The following DPYSL3 variants were observed in gnomAD, a reference collection of about 807,000 sequenced individuals.
DPYSL3 encodes dihydropyrimidinase like 3, also known as dihydropyrimidinase-related protein 3.
In DPYSL3, 16 loss-of-function variants were observed where a neutral mutation model predicts 66.1. The observed-to-expected ratio is 0.24, with a 90% CI of 0.16 to 0.37. The LOEUF (loss-of-function observed/expected upper bound fraction) is 0.37. Ranked by LOEUF, DPYSL3 falls within the 10% of genes least tolerant of loss-of-function variation. The pLI is 1.00. For missense variants in DPYSL3, 738 were observed against 916.2 expected (o/e 0.81, Z 2.51); for synonymous variants, 338 against 345.1 (o/e 0.98, Z 0.23).
chr5:147,505,059 A>G (rs1220777085), intron 1 of DPYSL3, among the ~76,000 whole-genome samples: 1 of 152,230 alleles, frequency 6.6e-6, no homozygotes, highest in African/African-American at 2.4e-5. Context: ...TTATAAATGA[A>G]AAGTTGTGTA....
At chr5:147,464,769 A>G (rs2126415003) in intron 1 of DPYSL3, among the ~76,000 whole-genome samples, 1 of 152,308 alleles carries the variant, frequency 6.6e-6, no homozygotes, top group East Asian at 1.9e-4. Context: ...AGTGAGGAGC[A>G]TCTAGAATGG....
At chr5:147,456,824 C>T (rs1752860799) in intron 1 of DPYSL3, among the ~76,000 whole-genome samples, 1 of 151,992 alleles carries the variant, frequency 6.6e-6, no homozygotes, top group African/African-American at 2.4e-5. Context: ...CTCCTGACCT[C>T]ATGTGATCTG....
chr5:147,488,975 ACTGTACTCCAGC>A (rs1362542205), intron 1 of DPYSL3, among the ~76,000 whole-genome samples: 2 of 151,244 alleles, frequency 1.3e-5, no homozygotes, highest in Non-Finnish European at 3.0e-5. Flanking sequence ...AGATCGCACC[ACTGTACTCCAGC>A]CTGGGCAACA....
chr5:147,408,106 C>G (rs1561776107), intron 7 of DPYSL3, among the ~76,000 whole-genome samples: 1 of 152,124 alleles, frequency 6.6e-6, no homozygotes, highest in African/African-American at 2.4e-5. Flanking sequence ...TGACTTTGCT[C>G]TAGGTGCTAG....
intron 1 of DPYSL3, among the ~76,000 whole-genome samples, chr5:147,477,663 A>T (rs1446402137): frequency 7.5e-6 from 1 of 134,126 alleles, no homozygotes; most frequent in African/African-American, 2.8e-5. Context: ...GCTCACTGCA[A>T]GCTCCGCTTC....
intron 13 of DPYSL3, among the ~76,000 whole-genome samples, chr5:147,395,248 A>T (rs1161434914): frequency 6.6e-6 from 1 of 152,222 alleles, no homozygotes; most frequent in African/African-American, 2.4e-5. Flanking sequence ...CTAATGCTGG[A>T]AATCACTATC....
intron 1 of DPYSL3, among the ~76,000 whole-genome samples, chr5:147,489,487 T>C (rs1450152582): frequency 6.6e-6 from 1 of 152,186 alleles, no homozygotes; most frequent in African/African-American, 2.4e-5. Flanking sequence ...TTTTCTGGAT[T>C]ATGTGGATAT....
rs552210084 is a variant in DPYSL3, at chr5:147,415,567, A to T, written c.820+142T>A. ...AAGAAGTAAATAAAGTGCCTGGAACATTGTGTTATCCCTACATCCAGTGCT... is the reference window on the plus strand; with the variant it reads ...AAGAAGTAAATAAAGTGCCTGGAACTTTGTGTTATCCCTACATCCAGTGCT... On this transcript the variant is annotated intron_variant, in intron 4 of 13. Coordinates refer to ENST00000343218, the MANE Select transcript of DPYSL3 (RefSeq NM_001197294.2). 3.4e-4 allele frequency: 339 copies of T among 984,066 alleles called. 2 individuals carry two copies. The South Asian group carries it at 5.3e-3, about 15-fold the overall frequency. The allele number at this position is 984,066 out of a possible 1,614,324, so 61.0% of individuals were successfully genotyped here. A position where few individuals can be genotyped will look rare whatever the true frequency, so the allele number is the denominator to read the frequency against.
Position 147,495,936 on chromosome 5 carries a change from G to A in DPYSL3, c.381+13542C>T, listed in dbSNP as rs184884451. On this transcript the variant is annotated intron_variant, in intron 1 of 13. Coordinates refer to ENST00000343218, the MANE Select transcript of DPYSL3 (RefSeq NM_001197294.2). The stretch of plus-strand genomic sequence containing the variant: ...ATGGAACCAAAAAAGAGCCCGCATT[G>A]CCAAGTCAATCCGAAGACAAAAGAA... 3.1e-3 allele frequency among the ~76,000 whole-genome samples: 465 copies of A among 152,224 alleles called. 4 individuals carry two copies. Among genetic ancestry groups the A allele is most frequent in the African/African-American group, 0.011 (442 of 41,538 alleles).
At chr5:147,504,760 A>G (rs145113644) in intron 1 of DPYSL3, among the ~76,000 whole-genome samples, 1 of 152,208 alleles carries the variant, frequency 6.6e-6, no homozygotes, top group Non-Finnish European at 1.5e-5. Flanking sequence ...AACATCTTGC[A>G]CAAAAGAGGC....
At chr5:147,506,345 GAA>G (rs1753685249) in intron 1 of DPYSL3, among the ~76,000 whole-genome samples, 1 of 152,048 alleles carries the variant, frequency 6.6e-6, no homozygotes, top group African/African-American at 2.4e-5. Context: ...CAGCTTACGT[GAA>G]AAAAGTTTCT....
intron 1 of DPYSL3, among the ~76,000 whole-genome samples, chr5:147,501,409 G>T (rs1220229862): frequency 2.0e-5 from 3 of 149,608 alleles, no homozygotes; most frequent in Non-Finnish European, 4.4e-5. Flanking sequence ...TTGTATGTTT[G>T]TCCAAGCCCA....
intron 1 of DPYSL3, among the ~76,000 whole-genome samples, chr5:147,480,694 AATAT>A (rs1253015682): frequency 7.2e-6 from 1 of 138,770 alleles, no homozygotes; most frequent in Admixed American, 7.8e-5. Flanking sequence ...ACACATCATG[AATAT>A]ATATATATTA....
In DPYSL3 at chr5:147,412,596, G is replaced by T; in HGVS notation, c.963+12C>A. 4.3e-6 allele frequency: 7 copies of T among 1,609,262 alleles called. No homozygotes were observed. The highest frequency in any genetic ancestry group is 5.9e-6 in the Non-Finnish European group (7 of 1,177,466). Reference sequence around the variant, plus strand: ...GACCCAAAGCACGCTCCAGGGAGCTGCACGGTGTTACCTGGGCAATGATAT... The same window carrying T: ...GACCCAAAGCACGCTCCAGGGAGCTTCACGGTGTTACCTGGGCAATGATAT... On this transcript the variant is annotated intron_variant, in intron 6 of 13. Coordinates refer to ENST00000343218, the MANE Select transcript of DPYSL3 (RefSeq NM_001197294.2).
At chr5:147,490,969 TG>T (rs1432011255) in intron 1 of DPYSL3, among the ~76,000 whole-genome samples, 4 of 152,200 alleles carry the variant, frequency 2.6e-5, no homozygotes, top group African/African-American at 9.6e-5. Context: ...CTCCTGCTTC[TG>T]TCAGGGAGAG....
chr5:147,428,416 G>A (rs775403740), intron 1 of DPYSL3, among the ~76,000 whole-genome samples: 19 of 151,948 alleles, frequency 1.3e-4, no homozygotes, highest in African/African-American at 2.9e-4. Context: ...TATAAATGGC[G>A]GCCTAGGCAA....
At chr5:147,495,790 G>A (rs1753495576) in intron 1 of DPYSL3, among the ~76,000 whole-genome samples, 1 of 152,174 alleles carries the variant, frequency 6.6e-6, no homozygotes, top group Non-Finnish European at 1.5e-5. Flanking sequence ...TCATGTGTAG[G>A]AAGAATCAAT....
intron 1 of DPYSL3, among the ~76,000 whole-genome samples, chr5:147,496,530 A>G (rs890367208): frequency 1.8e-4 from 28 of 152,070 alleles, no homozygotes; most frequent in Non-Finnish European, 3.4e-4. Context: ...CAGAATCTAC[A>G]ATGAACTCAA....
rs1160930114 is a variant in DPYSL3 at position 147,391,425 on chromosome 5, T to A, written c.*2610A>T. The A allele has an allele frequency of 6.6e-6, 1 of 152,420 alleles. No individual in the cohort carries two copies. Among genetic ancestry groups the A allele is most frequent in the Non-Finnish European group, 1.5e-5 (1 of 68,034 alleles). The allele number at this position is 152,420 out of a possible 1,614,324, so 9.4% of individuals were successfully genotyped here. On this transcript the variant is annotated 3_prime_UTR_variant, in exon 14 of 14. Coordinates refer to ENST00000343218, the MANE Select transcript of DPYSL3 (RefSeq NM_001197294.2). ...CCGTGGCCCTCAGAGAGAACCGGGA[T>A]GGATTGCCATCTGGGTTCAGAGGCA...
Sources: allele counts gnomAD v4.1 joint callset (sites outside exome capture counted in the v4.1 genomes callset), GRCh38; gene constraint gnomAD v4.1.1; transcripts MANE v1.5; gene names NCBI Gene and HGNC (gene_info 2026-07-23, HGNC 2026-07-21).